Variants in DHTKD1 observed in about 807,000 individuals in gnomAD.
DHTKD1 encodes dehydrogenase E1 and transketolase domain containing 1.
Under a neutral mutation model 101.8 loss-of-function variants are expected in DHTKD1, and 78 were observed. The observed-to-expected ratio is 0.77, with a 90% CI of 0.64 to 0.93. The LOEUF (loss-of-function observed/expected upper bound fraction) is 0.93, where lower values mean the gene tolerates loss of function less well. DHTKD1 is among the 40% of genes least tolerant of loss of function. The probability of loss-of-function intolerance (pLI) is 0.00; values close to 1 mark genes in which losing one functional copy is unlikely to be tolerated. For missense variants in DHTKD1, 1,223 were observed against 1,161.7 expected (o/e 1.05, Z -0.77); for synonymous variants, 462 against 450.3 (o/e 1.03, Z -0.33).
At chr10:12,119,180 C>T (rs1833473997) in intron 15 of DHTKD1, among the ~76,000 whole-genome samples, 1 of 151,284 alleles carries the variant, frequency 6.6e-6, no homozygotes, top group Non-Finnish European at 1.5e-5. Context: ...GTGGCGGGCG[C>T]CTGTAGTCCC....
At chr10:12,091,444 G>A in intron 5 of DHTKD1, 69 bp from the exon 6 acceptor site, 24 of 473,076 alleles carry the variant, frequency 5.1e-5, no homozygotes, top group South Asian at 1.6e-4. Flanking sequence ...ATTCCAACCT[G>A]AAAACCTAGA....
intron 14 of DHTKD1, 34 bp downstream of exon 14, chr10:12,117,789 G>A: frequency 7.9e-7 from 1 of 1,270,590 alleles, no homozygotes; most frequent in Non-Finnish European, 1.1e-6. Flanking sequence ...ATATTCTGTG[G>A]CAGAATTTTA....
At chr10:12,081,712 C>T in intron 2 of DHTKD1, 85 bp downstream of exon 2, 1 of 1,511,632 alleles carries the variant, frequency 6.6e-7, no homozygotes, top group Non-Finnish European at 9.1e-7. Flanking sequence ...GCAGCATCCC[C>T]ACTGGAGCTG....
intron 1 of DHTKD1, among the ~76,000 whole-genome samples, chr10:12,080,088 G>A (rs972841249): frequency 6.6e-6 from 1 of 152,116 alleles, no homozygotes; most frequent in South Asian, 2.1e-4. Flanking sequence ...AGACCATCCT[G>A]GCTAACATGG....
intron 1 of DHTKD1, among the ~76,000 whole-genome samples, chr10:12,077,405 T>G (rs541458398): frequency 1.4e-4 from 22 of 152,224 alleles, no homozygotes; most frequent in African/African-American, 4.8e-4. Context: ...TTTCTTGTTT[T>G]TAGTAGAGAC....
chr10:12,084,933 C>G (rs999725706), intron 3 of DHTKD1, among the ~76,000 whole-genome samples, 182 bp downstream of exon 3: 4 of 152,050 alleles, frequency 2.6e-5, no homozygotes, highest in Non-Finnish European at 5.9e-5. Flanking sequence ...TGCCTGTAAT[C>G]CTAGCTACTC....
chr10:12,106,520 G>A, intron 11 of DHTKD1, 124 bp downstream of exon 11: 2 of 1,211,922 alleles, frequency 1.7e-6, no homozygotes, highest in East Asian at 2.4e-5. Context: ...GGCGCCTCCA[G>A]GGAGTTGGGG....
In DHTKD1 at chr10:12,097,123, A is replaced by G. The variant is rs1394243133; in HGVS notation, c.1359-561A>G. On this transcript the variant is annotated intron_variant, in intron 7 of 16. Transcript: ENST00000263035. The stretch of plus-strand genomic sequence containing the variant: ...TCTGTTTTATAAACTTATTGAGATG[A>G]ACGTGACATAATATAAAATTGGCTG... Among the ~76,000 whole-genome samples, 3 of 152,078 alleles carry G rather than the reference A, an allele frequency of 2.0e-5. No homozygotes were observed. In the East Asian group the frequency reaches 5.8e-4, roughly 29 times the overall value.
intron 1 of DHTKD1, among the ~76,000 whole-genome samples, chr10:12,070,675 G>A (rs1832638468): frequency 6.6e-6 from 1 of 152,140 alleles, no homozygotes; most frequent in African/African-American, 2.4e-5. Flanking sequence ...TTTTAGTAGA[G>A]ATGGGGTTTC....
At position 12,087,655 on chromosome 10, in the gene DHTKD1, A is replaced by G. The variant is rs1490245507; in HGVS notation, c.643A>G (p.Thr215Ala). The change falls in exon 4 of 17, where the codon ACT (threonine) becomes GCT (alanine). Residue 215 changes from threonine to alanine, a missense_variant. Thr to Ala is a moderately conservative substitution (Grantham distance 58). Transcript: ENST00000263035. This position sits in a 1 kb window ranked among gnomAD's most constrained non-coding sequence, Gnocchi z 5.2. ...LLKMSAYSGI[T>A]DVIIGMPHRG... ...GAAAATGTCGGCCTACAGCGGGATC[A>G]CTGATGTCATTATTGGGATGCCCCA... The G allele has an allele frequency of 1.2e-6, 2 of 1,614,004 alleles. No homozygotes were observed. The highest frequency in any genetic ancestry group is 1.7e-6 in the Non-Finnish European group (2 of 1,179,966).
chr10:12,076,495 G>A (rs942609312), intron 1 of DHTKD1, among the ~76,000 whole-genome samples: 4 of 151,806 alleles, frequency 2.6e-5, no homozygotes, highest in African/African-American at 9.7e-5. Flanking sequence ...GAGCTTTATT[G>A]TACATGTTCA....
At chr10:12,088,176 G>A (rs988894776) in intron 4 of DHTKD1, among the ~76,000 whole-genome samples, 2 of 151,962 alleles carry the variant, frequency 1.3e-5, no homozygotes, top group African/African-American at 4.8e-5. Context: ...AGTCAACTAA[G>A]GCTGGGCAAG....
intron 1 of DHTKD1, among the ~76,000 whole-genome samples, chr10:12,078,423 T>G: frequency 6.7e-6 from 1 of 149,970 alleles, no homozygotes; most frequent in African/African-American, 2.5e-5. Flanking sequence ...AGACTCCACC[T>G]CAGAAAAAAA....
At chr10:12,118,584 G>A (rs376907574) in intron 14 of DHTKD1, among the ~76,000 whole-genome samples, 165 bp from the exon 15 acceptor site, 187 of 151,862 alleles carry the variant, frequency 1.2e-3, no homozygotes, top group African/African-American at 4.0e-3. Flanking sequence ...GGGTTTCACC[G>A]TGTTAGCCAG....
rs1339805821 is a variant in DHTKD1, at chr10:12,103,492, T to C, written c.1896+2311T>C. ...CCCAACTTCGTTGTACATCTCAATCTGTGTGTGTGTGTGTGTGTGTGTGTG... is the reference window on the plus strand; with the variant it reads ...CCCAACTTCGTTGTACATCTCAATCCGTGTGTGTGTGTGTGTGTGTGTGTG... On this transcript the variant is annotated intron_variant, in intron 10 of 16. Transcript: ENST00000263035. The surrounding 1 kb of genome is among the most constrained non-coding windows in gnomAD (Gnocchi z 4.8). Among the ~76,000 whole-genome samples the C allele has an allele frequency of 1.0e-3, 1 of 970 alleles. No individual in the cohort carries two copies. Among genetic ancestry groups the C allele is most frequent in the African/African-American group, 1.1e-3 (1 of 880 alleles). The allele number at this position is 970 out of a possible 152,430, so 0.6% of individuals were successfully genotyped here.
At chr10:12,111,932 A>G (rs1218923410) in intron 12 of DHTKD1, among the ~76,000 whole-genome samples, 2 of 152,138 alleles carry the variant, frequency 1.3e-5, no homozygotes, top group East Asian at 3.8e-4. Context: ...TTCTCTGCAG[A>G]CATGGAACAG....
intron 1 of DHTKD1, among the ~76,000 whole-genome samples, chr10:12,079,524 T>A (rs1832782722): frequency 1.3e-5 from 2 of 151,808 alleles, no homozygotes; most frequent in Admixed American, 6.6e-5. Context: ...AAAAATAAGC[T>A]GGGTATGGTG....
intron 15 of DHTKD1, among the ~76,000 whole-genome samples, chr10:12,119,375 G>C (rs181275988): frequency 6.6e-6 from 1 of 151,252 alleles, no homozygotes; most frequent in South Asian, 2.1e-4. Flanking sequence ...CAGCACTTTG[G>C]GAGGCCGAGG....
chr10:12,101,570 T>C (rs2131616685), intron 10 of DHTKD1, among the ~76,000 whole-genome samples: 1 of 152,318 alleles, frequency 6.6e-6, no homozygotes. Context: ...CCCTAAGGTA[T>C]GATTGGCTTG....
Sources: gnomAD v4.1 joint callset for allele counts (sites outside exome capture counted in the v4.1 genomes callset) on GRCh38, gnomAD v4.1.1 for gene constraint, Gnocchi (gnomAD v3.1) non-coding constraint, MANE v1.5 for transcripts, NCBI Gene and HGNC (gene_info 2026-07-23, HGNC 2026-07-21) for gene names.